Variants in CEP72 observed in about 807,000 individuals in gnomAD.
CEP72 encodes the protein centrosomal protein 72, also known as centrosomal protein of 72 kDa.
In CEP72, 78 loss-of-function variants were observed where a neutral mutation model predicts 65.7. That is an observed-to-expected ratio of 1.19 (90% confidence interval 0.99 to 1.43). CEP72 has a LOEUF of 1.43. Among genes scored for constraint, CEP72 ranks in the 40% most tolerant of loss-of-function variants. The pLI, the probability that CEP72 is intolerant of heterozygous loss-of-function variation, is 0.00. For missense variants in CEP72, 914 were observed against 832.9 expected (o/e 1.10, Z -1.20); for synonymous variants, 358 against 351.7 (o/e 1.02, Z -0.20).
intron 1 of CEP72, among the ~76,000 whole-genome samples, chr5:614,444 ATTTTT>A (rs11350475): frequency 1.1e-5 from 1 of 93,828 alleles, no homozygotes; most frequent in African/African-American, 4.2e-5. Flanking sequence ...TGACCTGTGA[ATTTTT>A]TTTTTTTTTT....
chr5:640,497 G>A lies in CEP72; in HGVS notation c.1432G>A (p.Ala478Thr). ...AMVGEDVGSL[A>T]LESKSLQSRL... ...GGTGGGTGAAGATGTCGGCTCCCTG[G>A]CTCTGGAGAGTAAGTCCCTGCAAAG... The change falls in exon 9 of 12, where the codon GCT becomes ACT. Residue 478 changes from alanine (A) to threonine (T), a missense_variant. Coordinates refer to ENST00000264935, the MANE Select transcript of CEP72 (RefSeq NM_018140.4). 1 of 1,614,130 alleles carries A rather than the reference G, an allele frequency of 6.2e-7. No homozygotes were observed. The highest frequency in any genetic ancestry group is 2.2e-5 in the East Asian group (1 of 44,880).
chr5:656,156 C>T (rs928121304), downstream of CEP72, among the ~76,000 whole-genome samples: 2 of 152,154 alleles, frequency 1.3e-5, no homozygotes, highest in African/African-American at 2.4e-5. Context: ...TTCCCAGTCC[C>T]GGCTGCTGAA....
At chr5:667,544 T>C (rs933309819), downstream of CEP72, among the ~76,000 whole-genome samples, 16 of 151,910 alleles carry the variant, frequency 1.1e-4, no homozygotes, top group Non-Finnish European at 2.4e-4. Context: ...TGGCCTATAG[T>C]GGAAAAAATG....
intron 11 of CEP72, among the ~76,000 whole-genome samples, chr5:651,999 G>A (rs887831508): frequency 6.6e-6 from 1 of 152,192 alleles, no homozygotes; most frequent in Non-Finnish European, 1.5e-5. Flanking sequence ...CATCACAGGT[G>A]TAAGTTACAG....
chr5:640,436 TG>T lies in CEP72; in HGVS notation c.1372del (p.Glu458LysfsTer42), dbSNP rs1300160023. On this transcript the variant is annotated frameshift_variant, in exon 9 of 12. Transcript: ENST00000264935. LOFTEE classifies it high-confidence loss of function. The part of the protein sequence containing the change: ...AQARHILSSV[E>X]EFTAAQDSSA... ...AGGCAAGACACATCTTGTCATCTGT[TG>T]AAGAATTCACAGCAGCTCAGGACAG... 6 of 1,614,040 alleles carry T rather than the reference TG, an allele frequency of 3.7e-6. No homozygotes were observed. Among genetic ancestry groups the T allele is most frequent in the Non-Finnish European group, 5.1e-6 (6 of 1,179,988 alleles).
rs758738113 is a variant in CEP72, at chr5:637,716, C to T, written c.1104C>T (p.Ser368=). The change falls in exon 7 of 12, where the codon AGC becomes AGT. Residue 368 remains serine, a synonymous_variant. Coordinates refer to ENST00000264935, the MANE Select transcript of CEP72 (RefSeq NM_018140.4). ...CCTCCGTGCCCAAGGAGAGCCTGAG[C>T]AGACAGGACAGCTCAGAAAGCAGGA... ...HGSSVPKESL[S]RQDSSESRNG... 25 of 1,613,524 alleles carry T rather than the reference C, an allele frequency of 1.5e-5. No individual in the cohort carries two copies. The highest frequency in any genetic ancestry group is 1.4e-5 in the Non-Finnish European group (17 of 1,180,016).
At chr5:647,182 G>A (rs749750202) in intron 10 of CEP72, among the ~76,000 whole-genome samples, 2 of 152,196 alleles carry the variant, frequency 1.3e-5, no homozygotes, top group Non-Finnish European at 2.9e-5. Flanking sequence ...CCCACCTCTG[G>A]CTTTCTCACT....
intron 11 of CEP72, among the ~76,000 whole-genome samples, chr5:652,548 C>G (rs1739177114): frequency 6.6e-6 from 1 of 152,228 alleles, no homozygotes; most frequent in East Asian, 1.9e-4. Context: ...TAGGACTCTT[C>G]TATTGCACTA....
exon 3 of CEP72, chr5:665,259 T>A: frequency 6.2e-7 from 1 of 1,613,572 alleles, no homozygotes; most frequent in South Asian, 1.1e-5. Flanking sequence ...CTTGGTGGTG[T>A]CCGTGAGCCT....
At chr5:670,870 T>TC (rs1210130182), downstream of CEP72, among the ~76,000 whole-genome samples, 9 of 152,304 alleles carry the variant, frequency 5.9e-5, no homozygotes, top group African/African-American at 2.2e-4. Flanking sequence ...GCTGAGCACC[T>TC]GGGGGCAGGT....
At chr5:628,659 G>C (rs539389526) in intron 4 of CEP72, among the ~76,000 whole-genome samples, 2 of 122,198 alleles carry the variant, frequency 1.6e-5, no homozygotes, top group South Asian at 3.1e-4. Context: ...CCCCTTCTTT[G>C]TGCAGCTTCT....
chr5:634,705 T>C (rs566971268), intron 5 of CEP72, among the ~76,000 whole-genome samples: 1 of 152,236 alleles, frequency 6.6e-6, no homozygotes, highest in African/African-American at 2.4e-5. Flanking sequence ...ACCTTTGTTC[T>C]GGGGTTGCTT....
intron 4 of CEP72, among the ~76,000 whole-genome samples, chr5:627,238 C>G (rs777988339): frequency 6.6e-6 from 1 of 152,174 alleles, no homozygotes; most frequent in Non-Finnish European, 1.5e-5. Flanking sequence ...GTCGTCTCAT[C>G]TGAGTTGTCA....
chr5:675,899 G>A, the CEP72 span: 1 of 152,242 alleles, frequency 6.6e-6, no homozygotes, highest in Non-Finnish European at 1.5e-5. Flanking sequence ...CTGAGCCCAT[G>A]AGGACACTGA....
At chr5:660,256 CTT>C (rs1739532324), downstream of CEP72, 1 of 150,722 alleles carries the variant, frequency 6.6e-6, no homozygotes, top group Non-Finnish European at 1.5e-5. Flanking sequence ...TTGAAAAAAA[CTT>C]AGTACAAACT....
At chr5:673,915 AG>A in the CEP72 span, among the ~76,000 whole-genome samples, 2 of 152,176 alleles carry the variant, frequency 1.3e-5, no homozygotes, top group Non-Finnish European at 2.9e-5. Flanking sequence ...CACCCACCGC[AG>A]GGAGAGTTCT....
intron 11 of CEP72, among the ~76,000 whole-genome samples, chr5:648,874 CTG>C (rs1207489751): frequency 2.4e-5 from 2 of 85,084 alleles, no homozygotes; most frequent in Non-Finnish European, 2.3e-5. Context: ...TGAGGTGTGA[CTG>C]TGAGGTGTGA....
At chr5:654,202 TGCTA>T (rs751469150), downstream of CEP72, among the ~76,000 whole-genome samples, 20 of 147,500 alleles carry the variant, frequency 1.4e-4, no homozygotes, top group Non-Finnish European at 2.4e-4. Flanking sequence ...TGTGTGTGCA[TGCTA>T]GCTGTGTGTG....
downstream of CEP72, chr5:660,009 C>G (rs1323754611): frequency 6.6e-6 from 1 of 152,360 alleles, no homozygotes. Flanking sequence ...ACAGGCAACA[C>G]CACACCTCTC....
Sources: allele counts gnomAD v4.1 joint callset (sites outside exome capture counted in the v4.1 genomes callset), GRCh38; gene constraint gnomAD v4.1.1; transcripts MANE v1.5; gene names NCBI Gene and HGNC (gene_info 2026-07-23, HGNC 2026-07-21).